ODAD4: variants seen among roughly 807,000 people sequenced by gnomAD.
ODAD4 encodes outer dynein arm-docking complex subunit 4.
ODAD4 carries 49 observed loss-of-function variants against 51.8 expected under a neutral mutation model. The ratio of observed to expected loss-of-function variants is 0.95; its 90% CI spans 0.75 to 1.20. ODAD4 has a LOEUF of 1.20. Ranked by LOEUF, ODAD4 falls within the 50% of genes most tolerant of loss-of-function variation. The pLI is 0.00. For missense variants in ODAD4, 590 were observed against 586.5 expected, an observed-to-expected ratio of 1.01 and a Z score of -0.06; for synonymous variants, 235 against 221.3, an observed-to-expected ratio of 1.06 and a Z score of -0.55.
rs1555636548 is a variant in ODAD4, at chr17:41,930,658, A to C, written c.-66A>C. On this transcript the variant is annotated 5_prime_UTR_variant, in exon 1 of 12. Coordinates refer to ENST00000377540, the MANE Select transcript of ODAD4 (RefSeq NM_031421.5). ...TTGCTAAGAAACGGAGCTTCCACAA[A>C]CCAGATAGAGGTTCTCCAGCTTTTC... 2 of 1,074,526 alleles carry C rather than the reference A, an allele frequency of 1.9e-6. No homozygotes were observed. The highest frequency in any genetic ancestry group is 3.2e-5 in the African/African-American group (2 of 63,432). The allele number at this position is 1,074,526 out of a possible 1,614,324, so 66.6% of individuals were successfully genotyped here.
chr17:41,946,430 T>G (rs1269942422), intron 8 of ODAD4, among the ~76,000 whole-genome samples: 2 of 151,376 alleles, frequency 1.3e-5, no homozygotes, highest in African/African-American at 4.9e-5. Flanking sequence ...GTTCAAGCAA[T>G]TCTCCTGTCT....
At chr17:41,955,519 C>T (rs901924438) in intron 10 of ODAD4, among the ~76,000 whole-genome samples, 4 of 152,132 alleles carry the variant, frequency 2.6e-5, no homozygotes, top group Admixed American at 1.3e-4. Flanking sequence ...GCTCCGCTTC[C>T]GGGTTCACAC....
At chr17:41,935,886 A>G (rs2050419309) in intron 3 of ODAD4, 137 bp downstream of exon 3, 2 of 1,052,222 alleles carry the variant, frequency 1.9e-6, no homozygotes, top group Non-Finnish European at 2.7e-6. Context: ...TGGCTGCTGC[A>G]GTGTTGTTGA....
chr17:41,943,025 C>T (rs1461066749), intron 7 of ODAD4, among the ~76,000 whole-genome samples: 12 of 152,032 alleles, frequency 7.9e-5, no homozygotes, highest in Non-Finnish European at 1.2e-4. Context: ...ATTGTGCCCG[C>T]GTTTTGTTTT....
At chr17:41,951,264 T>A in intron 9 of ODAD4, among the ~76,000 whole-genome samples, 1 of 150,916 alleles carries the variant, frequency 6.6e-6, no homozygotes, top group East Asian at 2.0e-4. Flanking sequence ...TTTGTATTTT[T>A]AGTAGAGACG....
At chr17:41,964,564 A>G (rs149904636) in intron 11 of ODAD4, among the ~76,000 whole-genome samples, 253 of 152,330 alleles carry the variant, frequency 1.7e-3, no homozygotes, top group African/African-American at 5.6e-3. Context: ...AGCTGGCAAA[A>G]ACAGTCATTC....
intron 9 of ODAD4, chr17:41,954,942 T>C (rs554665756): frequency 4.0e-6 from 2 of 498,942 alleles, no homozygotes; most frequent in Non-Finnish European, 7.5e-6. Flanking sequence ...ATATGATGTA[T>C]GCACTAGACT....
At position 41,965,363 on chromosome 17, in the gene ODAD4, A is replaced by T. The variant is rs1402547472; in HGVS notation, c.1899A>T (p.Glu633Asp). Residue 633 changes from glutamate to aspartate, a missense_variant, in exon 12 of 12, where the codon GAA (glutamate) becomes GAT (aspartate). This residue lies in a region of ODAD4 where 226 missense variants were observed against 162.7 expected (regional missense o/e 1.39). Coordinates refer to ENST00000377540, the MANE Select transcript of ODAD4 (RefSeq NM_031421.5). ...LSGEFSRQEP[E>D]ELKKLSEVGR... ...GAGAATTCAGCAGACAGGAACCAGA[A>T]GAACTAAAGAAACTTTCAGAAGTGG... The T allele has an allele frequency of 1.3e-6, 1 of 780,690 alleles. No individual in the cohort carries two copies. Among genetic ancestry groups the T allele is most frequent in the Non-Finnish European group, 2.4e-6 (1 of 417,982 alleles). 48.4% of individuals were successfully genotyped at this position (780,690 alleles called of 1,614,324 possible).
chr17:41,936,512 CCTT>C lies in ODAD4; in HGVS notation c.441_443del (p.Phe147del), dbSNP rs543001676. Reference sequence around the variant, plus strand: ...AAGCTGGAGAACAAAGGGGACCTCTCCTTCTTAAGCAAGCAGGCTGAGGTAAGG... The same window carrying C: ...AAGCTGGAGAACAAAGGGGACCTCTCCTTAAGCAAGCAGGCTGAGGTAAGG... On this transcript the variant is annotated inframe_deletion, in exon 4 of 12. Transcript: ENST00000377540. 7.6e-4 allele frequency: 1,225 copies of C among 1,613,208 alleles called. 18 individuals carry two copies. The Admixed American group carries it at 0.019, about 25-fold the overall frequency.
At chr17:41,955,637 G>A (rs946399992) in intron 10 of ODAD4, among the ~76,000 whole-genome samples, 1 of 152,060 alleles carries the variant, frequency 6.6e-6, no homozygotes, top group South Asian at 2.1e-4. Context: ...TGTTAGCCAG[G>A]ATGGTCTCGA....
chr17:41,931,953 G>C (rs2050348684), intron 1 of ODAD4, among the ~76,000 whole-genome samples: 1 of 144,870 alleles, frequency 6.9e-6, no homozygotes, highest in African/African-American at 2.7e-5. Flanking sequence ...TGGAGACGTA[G>C]TCTTGCTCTG....
intron 9 of ODAD4, among the ~76,000 whole-genome samples, chr17:41,953,665 A>G (rs2050689257): frequency 6.7e-6 from 1 of 148,186 alleles, no homozygotes; most frequent in East Asian, 2.0e-4. Flanking sequence ...ATATATATAT[A>G]TATAGAGAGA....
rs782820445 is a variant in ODAD4, at chr17:41,930,881, CTTTTTTTTTT to C, written c.114+64_114+73del. The stretch of plus-strand genomic sequence containing the variant: ...CTATCCATCACCCCATCACCCGTCA[CTTTTTTTTTT>C]TTTTTTTTTTTTTTTTTTTGTGACG... On this transcript the variant is annotated intron_variant, in intron 1 of 11. Transcript: ENST00000377540. 2.0e-3 allele frequency: 197 copies of C among 97,216 alleles called. 1 individual carries two copies. Among genetic ancestry groups the C allele is most frequent in the African/African-American group, 3.7e-3 (45 of 12,126 alleles). The allele number at this position is 97,216 out of a possible 1,614,324, so 6.0% of individuals were successfully genotyped here.
In ODAD4 at chr17:41,960,348, T is replaced by TGAGGCAGGAGAATGGCGTG. The variant is rs368637813; in HGVS notation, c.1444-1033_1444-1015dup. Among the ~76,000 whole-genome samples the TGAGGCAGGAGAATGGCGTG allele has an allele frequency of 2.4e-3, 359 of 152,196 alleles. 3 individuals carry two copies. The highest frequency in any genetic ancestry group is 8.3e-3 in the African/African-American group (343 of 41,522). On this transcript the variant is annotated intron_variant, in intron 10 of 11. Coordinates refer to ENST00000377540, the MANE Select transcript of ODAD4 (RefSeq NM_031421.5). ...ACAAAAAAACAGTTACTCAGGAGGCTGAGGCAGGAGAATGGCGTGAACCCA... is the reference window on the plus strand; with the variant it reads ...ACAAAAAAACAGTTACTCAGGAGGCTGAGGCAGGAGAATGGCGTGGAGGCAGGAGAATGGCGTGAACCCA...
intron 1 of ODAD4, 107 bp downstream of exon 1, chr17:41,930,944 A>C: frequency 1.6e-6 from 1 of 624,120 alleles, no homozygotes; most frequent in Non-Finnish European, 2.5e-6. Context: ...CCTAGGCTGG[A>C]GTGCAATGGC....
At chr17:41,943,121 AC>A (rs1417813545) in intron 7 of ODAD4, among the ~76,000 whole-genome samples, 10 of 152,098 alleles carry the variant, frequency 6.6e-5, no homozygotes, top group African/African-American at 2.4e-4. Context: ...GTCCCCCGCA[AC>A]CCACTTCCCG....
At chr17:41,950,341 G>A (rs2050636379) in intron 9 of ODAD4, among the ~76,000 whole-genome samples, 1 of 151,762 alleles carries the variant, frequency 6.6e-6, no homozygotes, top group Non-Finnish European at 1.5e-5. Context: ...GGGAAACTGA[G>A]GCACAGAGAG....
In ODAD4 at chr17:41,938,554, C is replaced by T; in HGVS notation, c.626-3C>T. On this transcript the variant is annotated splice_region_variant and splice_polypyrimidine_tract_variant and intron_variant, in intron 5 of 11. Coordinates refer to ENST00000377540, the MANE Select transcript of ODAD4 (RefSeq NM_031421.5). ...GGCGCCTCCTCACACCCCTTCCCCACAGACCTGATCAAAGGCACCATGAAG... is the reference window on the plus strand; with the variant it reads ...GGCGCCTCCTCACACCCCTTCCCCATAGACCTGATCAAAGGCACCATGAAG... 1 of 1,613,434 alleles carries T rather than the reference C, an allele frequency of 6.2e-7. No homozygotes were observed. The highest frequency in any genetic ancestry group is 8.5e-7 in the Non-Finnish European group (1 of 1,179,572).
rs921454315 is a variant in ODAD4, at chr17:41,936,709, G to T, written c.460-53G>T. 3.1e-6 allele frequency: 5 copies of T among 1,603,838 alleles called. No individual in the cohort carries two copies. In the African/African-American group the frequency reaches 6.7e-5, roughly 22 times the overall value. Reference sequence around the variant, plus strand: ...ATCACAGACCCTAGGGCCATGGCTGGGTACACTCTGCTCCTTGCTGAAGCT... The same window carrying T: ...ATCACAGACCCTAGGGCCATGGCTGTGTACACTCTGCTCCTTGCTGAAGCT... On this transcript the variant is annotated intron_variant, in intron 4 of 11. Coordinates refer to ENST00000377540, the MANE Select transcript of ODAD4 (RefSeq NM_031421.5).
Sources: allele counts gnomAD v4.1 joint callset (sites outside exome capture counted in the v4.1 genomes callset), GRCh38; gene constraint gnomAD v4.1.1; regional missense constraint gnomAD v4.1.1; transcripts MANE v1.5; gene names NCBI Gene and HGNC (gene_info 2026-07-23, HGNC 2026-07-21).